Variants in HOOK1 observed in about 807,000 individuals in gnomAD.
HOOK1 encodes hook microtubule tethering protein 1.
In HOOK1, 60 loss-of-function variants were observed where a neutral mutation model predicts 112.8. That is an observed-to-expected ratio of 0.53 (90% CI 0.43 to 0.66). The LOEUF is 0.66. Among genes scored for constraint, HOOK1 ranks in the 30% least tolerant of loss-of-function variants. The pLI is 0.00. For missense variants in HOOK1, 770 were observed against 856.0 expected, an observed-to-expected ratio of 0.90 and a Z score of 1.25; for synonymous variants, 294 against 283.8, an observed-to-expected ratio of 1.04 and a Z score of -0.36.
chr1:59,863,940 G>A (rs1355683309), intron 16 of HOOK1: 1 of 462,416 alleles, frequency 2.2e-6, no homozygotes, highest in Non-Finnish European at 2.8e-6. Flanking sequence ...GAGGTATTTT[G>A]CAGGGAGCAC....
At chr1:59,851,706 G>A (rs952436934) in intron 12 of HOOK1, among the ~76,000 whole-genome samples, 4 of 151,548 alleles carry the variant, frequency 2.6e-5, no homozygotes, top group African/African-American at 9.7e-5. Flanking sequence ...AATAAAAGTG[G>A]CATGAACAGA....
chr1:59,842,261 C>T (rs1308913395), intron 8 of HOOK1, among the ~76,000 whole-genome samples: 2 of 152,062 alleles, frequency 1.3e-5, no homozygotes, highest in African/African-American at 2.4e-5. Flanking sequence ...TCTATCAAAG[C>T]ACCTTCAACA....
chr1:59,833,378 G>A, intron 4 of HOOK1, 27 bp from the exon 5 acceptor site: 2 of 1,446,972 alleles, frequency 1.4e-6, no homozygotes, highest in Non-Finnish European at 1.8e-6. Context: ...ACATAAATGA[G>A]TGATCTAATT....
chr1:59,868,084 G>A (rs962732798), intron 19 of HOOK1, among the ~76,000 whole-genome samples, 166 bp from the exon 20 acceptor site: 3 of 152,106 alleles, frequency 2.0e-5, no homozygotes, highest in African/African-American at 7.2e-5. Flanking sequence ...TATAGAATGA[G>A]TTATTTTTGT....
chr1:59,823,332 AC>A lies in HOOK1; in HGVS notation c.149+1390del, dbSNP rs1161854950. 9.2e-5 allele frequency among the ~76,000 whole-genome samples: 14 copies of A among 152,344 alleles called. No individual in the cohort carries two copies. In the East Asian group the frequency reaches 2.7e-3, roughly 29 times the overall value. ...AAGACTCCGTCTCAAAAAACAAAAA[AC>A]AAACAAACAAAATTTTATTTATTTA... On this transcript the variant is annotated intron_variant, in intron 2 of 21. Coordinates refer to ENST00000371208, the MANE Select transcript of HOOK1 (RefSeq NM_015888.6).
At chr1:59,865,010 CCTGA>C (rs1247424269) in intron 17 of HOOK1, 149 bp from the exon 18 acceptor site, 1 of 599,328 alleles carries the variant, frequency 1.7e-6, no homozygotes. Context: ...CTGCCGTGTG[CCTGA>C]CTGTTTACAT....
At chr1:59,838,473 G>A (rs563331078) in intron 7 of HOOK1, among the ~76,000 whole-genome samples, 1 of 152,144 alleles carries the variant, frequency 6.6e-6, no homozygotes, top group African/African-American at 2.4e-5. Context: ...TCATATGTCC[G>A]TTCGCTGCAT....
At chr1:59,824,017 C>T (rs1402768086) in intron 2 of HOOK1, among the ~76,000 whole-genome samples, 1 of 152,092 alleles carries the variant, frequency 6.6e-6, no homozygotes, top group African/African-American at 2.4e-5. Context: ...TCCTTATCAT[C>T]CAGGGGCTAC....
intron 8 of HOOK1, among the ~76,000 whole-genome samples, chr1:59,840,961 A>G (rs1322256236): frequency 6.6e-6 from 1 of 152,178 alleles, no homozygotes; most frequent in Non-Finnish European, 1.5e-5. Context: ...ACCTACATTC[A>G]GAACCTGGCA....
At position 59,863,811 on chromosome 1, in the gene HOOK1, G is replaced by A. The variant is rs193252763; in HGVS notation, c.1627-821G>A. On this transcript the variant is annotated intron_variant, in intron 16 of 21. Transcript: ENST00000371208. Reference sequence around the variant, plus strand: ...TTATTTTCTTTTTTTTTTCCCTGGGGGCTTGGAAAATAGAAATCGTCTCAT... The same window carrying A: ...TTATTTTCTTTTTTTTTTCCCTGGGAGCTTGGAAAATAGAAATCGTCTCAT... The A allele has an allele frequency of 2.6e-4, 247 of 957,198 alleles. 4 individuals are homozygous for A. The African/African-American group carries it at 4.2e-3, about 16-fold the overall frequency. 59.3% of individuals were successfully genotyped at this position (957,198 alleles called of 1,614,324 possible). A position where few individuals can be genotyped will look rare whatever the true frequency, so the allele number is the denominator to read the frequency against.
At chr1:59,865,795 T>C (rs952655735) in intron 18 of HOOK1, 77 bp from the exon 19 acceptor site, 1 of 521,128 alleles carries the variant, frequency 1.9e-6, no homozygotes, top group Admixed American at 3.6e-5. Flanking sequence ...TAAATATAAT[T>C]TTATGTGAGG....
At chr1:59,855,984 A>ATATATTTT (rs2098410511) in intron 12 of HOOK1, among the ~76,000 whole-genome samples, 1 of 60,288 alleles carries the variant, frequency 1.7e-5, no homozygotes. Context: ...ATATATATAT[A>ATATATTTT]TTTTTTTTTT....
chr1:59,857,648 C>A (rs889006504), intron 12 of HOOK1, among the ~76,000 whole-genome samples: 1 of 152,160 alleles, frequency 6.6e-6, no homozygotes, highest in Non-Finnish European at 1.5e-5. Flanking sequence ...ATTTGAAACA[C>A]GTAATGGACT....
intron 6 of HOOK1, 87 bp from the exon 7 acceptor site, chr1:59,836,786 A>G: frequency 1.3e-6 from 1 of 770,118 alleles, no homozygotes; most frequent in Non-Finnish European, 2.0e-6. Context: ...GCTAAATATA[A>G]ATCATTTTAC....
intron 5 of HOOK1, among the ~76,000 whole-genome samples, chr1:59,835,103 GA>G (rs2098396623): frequency 6.6e-6 from 1 of 152,020 alleles, no homozygotes; most frequent in Non-Finnish European, 1.5e-5. Context: ...TGTATGAATT[GA>G]TTTTTAAAAT....
intron 15 of HOOK1, 118 bp downstream of exon 15, chr1:59,860,446 A>T (rs2098412980): frequency 1.1e-6 from 1 of 895,342 alleles, no homozygotes; most frequent in Non-Finnish European, 1.6e-6. Context: ...ACCTAGAAAT[A>T]GTTTAATATT....
rs759402954 is a variant in HOOK1 at position 59,875,839 on chromosome 1, A to G, written c.*2874A>G. On this transcript the variant is annotated 3_prime_UTR_variant, in exon 22 of 22. Coordinates refer to ENST00000371208, the MANE Select transcript of HOOK1 (RefSeq NM_015888.6). Reference sequence around the variant, plus strand: ...CTGTCAAATGATTTAGTATAGATTAATGACATCTTTTTTAGAAATATTAAA... The same window carrying G: ...CTGTCAAATGATTTAGTATAGATTAGTGACATCTTTTTTAGAAATATTAAA... 1.3e-5 allele frequency: 2 copies of G among 152,232 alleles called. No homozygotes were observed. Among genetic ancestry groups the G allele is most frequent in the Non-Finnish European group, 2.9e-5 (2 of 68,032 alleles). The allele number at this position is 152,232 out of a possible 1,614,324, so 9.4% of individuals were successfully genotyped here. A position where few individuals can be genotyped will look rare whatever the true frequency, so the allele number is the denominator to read the frequency against.
chr1:59,866,660 G>T (rs956770261), intron 19 of HOOK1, among the ~76,000 whole-genome samples: 2 of 152,146 alleles, frequency 1.3e-5, no homozygotes, highest in African/African-American at 4.8e-5. Context: ...AATGGGCGAG[G>T]CCTGAAAACA....
intron 2 of HOOK1, among the ~76,000 whole-genome samples, chr1:59,823,499 G>A (rs1364036694): frequency 5.3e-5 from 8 of 152,126 alleles, no homozygotes; most frequent in Non-Finnish European, 1.2e-4. Context: ...ATGCTATGTT[G>A]TGAATATTGG....
Sources: allele counts gnomAD v4.1 joint callset (sites outside exome capture counted in the v4.1 genomes callset), GRCh38; gene constraint gnomAD v4.1.1; transcripts MANE v1.5; gene names NCBI Gene and HGNC (gene_info 2026-07-23, HGNC 2026-07-21).